DPP10: variants seen among roughly 807,000 people sequenced by gnomAD.
DPP10 encodes the protein inactive dipeptidyl peptidase 10.
A neutral mutation model predicts 120.9 loss-of-function variants in DPP10; 33 were observed. The ratio of observed to expected loss-of-function variants is 0.27; its 90% confidence interval spans 0.21 to 0.37. DPP10 has a LOEUF of 0.37. Ranked by LOEUF, DPP10 falls within the 10% of genes least tolerant of loss-of-function variation. DPP10 has a pLI of 1.00. For missense variants in DPP10, 816 were observed against 942.8 expected, an observed-to-expected ratio of 0.87 and a Z score of 1.76; for synonymous variants, 337 against 326.1, an observed-to-expected ratio of 1.03 and a Z score of -0.36.
chr2:115,195,964 A>T (rs2055232912), intron 1 of DPP10, among the ~76,000 whole-genome samples: 1 of 152,206 alleles, frequency 6.6e-6, no homozygotes, highest in Non-Finnish European at 1.5e-5. Context: ...TATTTAGTGG[A>T]ACAGAAGCAG....
chr2:115,114,568 C>T (rs2049400998), intron 1 of DPP10, among the ~76,000 whole-genome samples: 1 of 152,118 alleles, frequency 6.6e-6, no homozygotes, highest in African/African-American at 2.4e-5. Context: ...CACCAAACAC[C>T]CCACTTTTAC....
chr2:115,439,358 C>T (rs1472628354), intron 3 of DPP10, among the ~76,000 whole-genome samples: 1 of 152,146 alleles, frequency 6.6e-6, no homozygotes, highest in East Asian at 1.9e-4. Flanking sequence ...TACGAAATTT[C>T]AGTCTGGAAT....
chr2:114,873,638 G>A (rs74758386), intron 1 of DPP10, among the ~76,000 whole-genome samples: 3,319 of 152,132 alleles, frequency 0.022, 122 homozygotes, highest in African/African-American at 0.077. Context: ...ATGAGTCTAC[G>A]CACTGTGTCC....
intron 1 of DPP10, among the ~76,000 whole-genome samples, chr2:115,202,088 T>C (rs1354521592): frequency 6.6e-6 from 1 of 152,182 alleles, no homozygotes; most frequent in African/African-American, 2.4e-5. Flanking sequence ...CAGCCACAGA[T>C]GCATTTTCAT....
intron 1 of DPP10, among the ~76,000 whole-genome samples, chr2:114,866,181 T>A (rs921775055): frequency 6.6e-6 from 1 of 151,790 alleles, no homozygotes; most frequent in Admixed American, 6.6e-5. Flanking sequence ...AAAACAGTCA[T>A]ATTTACAAAT....
At chr2:115,136,669 C>T (rs1001917075) in intron 1 of DPP10, among the ~76,000 whole-genome samples, 31 of 151,594 alleles carry the variant, frequency 2.0e-4, no homozygotes, top group African/African-American at 7.5e-4. Flanking sequence ...AAAAAAAAAA[C>T]CATAAAGCAG....
intron 1 of DPP10, among the ~76,000 whole-genome samples, chr2:115,258,411 T>C (rs2059101274): frequency 6.6e-6 from 1 of 150,434 alleles, no homozygotes; most frequent in Admixed American, 6.7e-5. Flanking sequence ...GATTGAAACG[T>C]AGGATAACAA....
intron 10 of DPP10, among the ~76,000 whole-genome samples, chr2:115,749,135 T>A (rs143496521): frequency 9.8e-5 from 15 of 152,326 alleles, no homozygotes; most frequent in African/African-American, 3.6e-4. Context: ...CAAATTGTTG[T>A]ACTGTGCACT....
intron 1 of DPP10, among the ~76,000 whole-genome samples, chr2:115,210,327 A>G (rs1392034619): frequency 6.6e-6 from 1 of 152,130 alleles, no homozygotes; most frequent in Non-Finnish European, 1.5e-5. Context: ...AGCTTCATCC[A>G]TGTCCCTACA....
chr2:115,132,161 G>A (rs577090138), intron 1 of DPP10, among the ~76,000 whole-genome samples: 89 of 152,292 alleles, frequency 5.8e-4, no homozygotes, highest in African/African-American at 2.0e-3. Flanking sequence ...TAGACTGGAA[G>A]TCTTTGTCTA....
At chr2:114,631,596 C>G (rs1694930366) in intron 1 of DPP10, among the ~76,000 whole-genome samples, 1 of 152,124 alleles carries the variant, frequency 6.6e-6, no homozygotes, top group Admixed American at 6.6e-5. Flanking sequence ...CAGGGCCTGC[C>G]TGCGTGTCCA....
chr2:115,734,824 C>T (rs1425572975), intron 8 of DPP10, among the ~76,000 whole-genome samples: 1 of 152,014 alleles, frequency 6.6e-6, no homozygotes, highest in Non-Finnish European at 1.5e-5. Flanking sequence ...AAATCAGTGT[C>T]AATATCACAA....
At chr2:115,097,787 T>C (rs1227121350) in intron 1 of DPP10, among the ~76,000 whole-genome samples, 2 of 152,184 alleles carry the variant, frequency 1.3e-5, no homozygotes, top group Non-Finnish European at 1.5e-5. Flanking sequence ...AACAGTTTTT[T>C]GAATAGTCCT....
At position 115,578,263 on chromosome 2, in the gene DPP10, T is replaced by C. The variant is rs186393176; in HGVS notation, c.441+52291T>C. 6.4e-4 allele frequency among the ~76,000 whole-genome samples: 98 copies of C among 152,306 alleles called. 2 individuals are homozygous for C. Among genetic ancestry groups the C allele is most frequent in the Admixed American group, 5.0e-3 (76 of 15,302 alleles). ...TTTGTGCACCATAAGGGAATCCATT[T>C]GAAATGTAGAAGTTGACTCCAATGA... On this transcript the variant is annotated intron_variant, in intron 5 of 25. Coordinates refer to ENST00000410059, the MANE Select transcript of DPP10 (RefSeq NM_020868.6).
rs183693892 is a variant in DPP10, at chr2:114,681,181, A to T, written c.60+238343A>T. On this transcript the variant is annotated intron_variant, in intron 1 of 25. Transcript: ENST00000410059. ...ATCATATTAGCCTATCATGTTGCTT[A>T]CTTTGAATTGCTCTGACATAATTTG... Among the ~76,000 whole-genome samples the T allele has an allele frequency of 2.6e-5, 4 of 151,970 alleles. No homozygotes were observed. The East Asian group carries it at 7.8e-4, about 30-fold the overall frequency.
chr2:114,843,933 C>G lies in DPP10; in HGVS notation c.60+401095C>G, dbSNP rs78224416. Among the ~76,000 whole-genome samples the G allele has an allele frequency of 8.5e-5, 13 of 152,202 alleles. No homozygotes were observed. In the East Asian group the frequency reaches 2.5e-3, roughly 29 times the overall value. ...AACCTAATTTCACAATGAAACTACCCAATCCCCTTTTCATCAAAAACCAGG... is the reference window on the plus strand; with the variant it reads ...AACCTAATTTCACAATGAAACTACCGAATCCCCTTTTCATCAAAAACCAGG... On this transcript the variant is annotated intron_variant, in intron 1 of 25. Coordinates refer to ENST00000410059, the MANE Select transcript of DPP10 (RefSeq NM_020868.6).
At chr2:115,125,714 G>A (rs1424738954) in intron 1 of DPP10, among the ~76,000 whole-genome samples, 1 of 151,866 alleles carries the variant, frequency 6.6e-6, no homozygotes, top group Non-Finnish European at 1.5e-5. Flanking sequence ...TGGGACTACA[G>A]GTGCCCTCCA....
intron 1 of DPP10, among the ~76,000 whole-genome samples, chr2:115,011,977 G>A (rs796942561): frequency 2.2e-4 from 33 of 152,216 alleles, no homozygotes; most frequent in African/African-American, 7.2e-4. Flanking sequence ...AGGACTGCAG[G>A]CTGCTGGGAG....
chr2:114,799,848 G>C (rs1684043762), intron 1 of DPP10, among the ~76,000 whole-genome samples: 1 of 152,172 alleles, frequency 6.6e-6, no homozygotes, highest in African/African-American at 2.4e-5. Flanking sequence ...CAGCAAATGA[G>C]CAGGTTTCCA....
Sources: gnomAD v4.1 joint callset for allele counts (sites outside exome capture counted in the v4.1 genomes callset) on GRCh38, gnomAD v4.1.1 for gene constraint, MANE v1.5 for transcripts, NCBI Gene and HGNC (gene_info 2026-07-23, HGNC 2026-07-21) for gene names.